GRID1: variants seen among roughly 807,000 people sequenced by gnomAD.
GRID1 encodes glutamate ionotropic receptor delta type subunit 1.
Under a neutral mutation model 98.0 loss-of-function variants are expected in GRID1, and 28 were observed. The observed-to-expected ratio is 0.29, with a 90% CI of 0.21 to 0.39. The LOEUF is 0.39. Ranked by LOEUF, GRID1 falls within the 10% of genes least tolerant of loss-of-function variation. The probability of loss-of-function intolerance (pLI) is 1.00; values close to 1 mark genes in which losing one functional copy is unlikely to be tolerated. For synonymous variants in GRID1, 553 were observed against 538.5 expected (o/e 1.03, Z -0.37); for missense variants, 1,111 against 1,340.5 (o/e 0.83, Z 2.67).
intron 4 of GRID1, among the ~76,000 whole-genome samples, chr10:86,122,444 G>A (rs1374650224): frequency 2.6e-5 from 4 of 152,312 alleles, no homozygotes; most frequent in South Asian, 4.1e-4. Flanking sequence ...AGGGGCTGAC[G>A]GCCATCCTGG....
At chr10:85,604,943 C>T (rs181086417) in intron 15 of GRID1, among the ~76,000 whole-genome samples, 2 of 152,298 alleles carry the variant, frequency 1.3e-5, no homozygotes, top group South Asian at 4.1e-4. Flanking sequence ...TATCAAGAGA[C>T]AGGTTACCTA....
chr10:85,841,750 G>T (rs1842963233), intron 8 of GRID1, among the ~76,000 whole-genome samples: 1 of 152,048 alleles, frequency 6.6e-6, no homozygotes, highest in East Asian at 1.9e-4. Flanking sequence ...GATCATTAAA[G>T]AAATGCAAAT....
chr10:85,628,383 G>T (rs893917004), intron 13 of GRID1, among the ~76,000 whole-genome samples: 1 of 151,966 alleles, frequency 6.6e-6, no homozygotes, highest in Admixed American at 6.6e-5. Context: ...AATGTGTGTA[G>T]GTTGATGAGT....
chr10:86,122,577 T>C (rs2131960559), intron 4 of GRID1, among the ~76,000 whole-genome samples: 1 of 152,356 alleles, frequency 6.6e-6, no homozygotes, highest in Non-Finnish European at 1.5e-5. Context: ...CCTGGATAAC[T>C]TATACAACTT....
intron 2 of GRID1, among the ~76,000 whole-genome samples, chr10:86,350,356 A>C (rs79216967): frequency 5.3e-5 from 8 of 152,118 alleles, no homozygotes; most frequent in African/African-American, 9.7e-5. Flanking sequence ...TACATGGACA[A>C]TGGCCTGGAG....
intron 13 of GRID1, among the ~76,000 whole-genome samples, chr10:85,637,466 G>A (rs1843059793): frequency 6.6e-6 from 1 of 152,170 alleles, no homozygotes; most frequent in Non-Finnish European, 1.5e-5. Context: ...GAACTCAGGA[G>A]GCTGAAGCCC....
At chr10:85,821,246 G>A (rs969914713) in intron 8 of GRID1, among the ~76,000 whole-genome samples, 4 of 151,704 alleles carry the variant, frequency 2.6e-5, no homozygotes, top group Non-Finnish European at 5.9e-5. Flanking sequence ...GGCTGGGCAC[G>A]GTGGCTCATG....
rs531479431 is a variant in GRID1, at chr10:86,179,325, T to G, written c.520+27039A>C. The stretch of plus-strand genomic sequence containing the variant: ...CCTCCCTCTTCCCCTCCCTCCATCT[T>G]TCTCCTTGCTCTCCTGGGATCAGCC... On this transcript the variant is annotated intron_variant, in intron 3 of 15. Transcript: ENST00000327946. 2.5e-3 allele frequency among the ~76,000 whole-genome samples: 377 copies of G among 152,088 alleles called. 3 individuals carry two copies. Among genetic ancestry groups the G allele is most frequent in the African/African-American group, 8.8e-3 (366 of 41,522 alleles).
intron 8 of GRID1, among the ~76,000 whole-genome samples, chr10:85,822,784 A>C (rs1842785147): frequency 1.3e-5 from 2 of 152,228 alleles, no homozygotes. Context: ...ACTTGGAAAC[A>C]ACCCAAATGT....
chr10:86,283,225 T>C (rs1847380539), intron 2 of GRID1, among the ~76,000 whole-genome samples: 1 of 152,076 alleles, frequency 6.6e-6, no homozygotes, highest in East Asian at 1.9e-4. Flanking sequence ...CCTCCCCACA[T>C]AGGGTTAGGA....
intron 4 of GRID1, among the ~76,000 whole-genome samples, chr10:86,134,720 C>A (rs1190475619): frequency 6.6e-6 from 1 of 152,186 alleles, no homozygotes; most frequent in Non-Finnish European, 1.5e-5. Flanking sequence ...TCTCTCCAGC[C>A]CTTCCTTGTT....
At chr10:85,873,146 C>G (rs1193160709) in intron 5 of GRID1, among the ~76,000 whole-genome samples, 1 of 152,208 alleles carries the variant, frequency 6.6e-6, no homozygotes, top group African/African-American at 2.4e-5. Flanking sequence ...TGATGTCAGG[C>G]TGCACACACC....
chr10:86,200,074 C>T (rs1450381412), intron 3 of GRID1, among the ~76,000 whole-genome samples: 11 of 149,966 alleles, frequency 7.3e-5, no homozygotes. Context: ...CTCCATTGCC[C>T]CCAGACCTTT....
At chr10:85,728,545 TG>T (rs1841788139) in intron 9 of GRID1, among the ~76,000 whole-genome samples, 1 of 152,230 alleles carries the variant, frequency 6.6e-6, no homozygotes, top group African/African-American at 2.4e-5. Context: ...ATGGATTAAC[TG>T]ACCAAGGCCA....
At chr10:86,075,531 C>A (rs999468883) in intron 4 of GRID1, among the ~76,000 whole-genome samples, 4 of 152,204 alleles carry the variant, frequency 2.6e-5, no homozygotes, top group Admixed American at 1.3e-4. Flanking sequence ...ACCTCCAGAA[C>A]TGTGAGATGA....
At chr10:86,349,126 C>T (rs1375632740) in intron 2 of GRID1, among the ~76,000 whole-genome samples, 1 of 152,206 alleles carries the variant, frequency 6.6e-6, no homozygotes, top group Non-Finnish European at 1.5e-5. Flanking sequence ...TCACGGCTGT[C>T]AGGCTCACTG....
At chr10:85,759,746 C>T (rs1405920810) in intron 8 of GRID1, among the ~76,000 whole-genome samples, 10 of 152,206 alleles carry the variant, frequency 6.6e-5, no homozygotes, top group South Asian at 2.1e-4. Flanking sequence ...CCAAGGGAAA[C>T]TATTTTTAAA....
At chr10:85,983,744 C>T (rs961489677) in intron 4 of GRID1, among the ~76,000 whole-genome samples, 8 of 152,246 alleles carry the variant, frequency 5.3e-5, no homozygotes, top group South Asian at 2.1e-4. Context: ...ATAGAGTCTC[C>T]AAGGCAGGCC....
chr10:85,733,306 A>G (rs1413628998), intron 8 of GRID1, among the ~76,000 whole-genome samples: 1 of 152,198 alleles, frequency 6.6e-6, no homozygotes, highest in Non-Finnish European at 1.5e-5. Context: ...TAAGCTGTCT[A>G]GAGCCTCAGG....
Sources: allele counts gnomAD v4.1 joint callset (sites outside exome capture counted in the v4.1 genomes callset), GRCh38; gene constraint gnomAD v4.1.1; transcripts MANE v1.5; gene names NCBI Gene and HGNC (gene_info 2026-07-23, HGNC 2026-07-21).